Variants in ZMYM6 observed in about 807,000 individuals in gnomAD.
ZMYM6 encodes zinc finger MYM-type protein 6.
In ZMYM6, 90 loss-of-function variants were observed where a neutral mutation model predicts 134.0. That is an observed-to-expected ratio of 0.67 (90% CI 0.57 to 0.80). The LOEUF is 0.80. Ranked by LOEUF, ZMYM6 falls within the 30% of genes least tolerant of loss-of-function variation. ZMYM6 has a pLI of 0.00. For missense variants in ZMYM6, 1,362 were observed against 1,533.9 expected, an observed-to-expected ratio of 0.89 and a Z score of 1.87; for synonymous variants, 481 against 524.1, an observed-to-expected ratio of 0.92 and a Z score of 1.12.
chr1:35,003,924 G>A, intron 14 of ZMYM6, 44 bp downstream of exon 14: 1 of 1,559,846 alleles, frequency 6.4e-7, no homozygotes, highest in Non-Finnish European at 8.8e-7. Context: ...GTGAAAATAA[G>A]CCCAAGTGGC....
At chr1:35,029,485 T>C (rs938635812) in intron 2 of ZMYM6, among the ~76,000 whole-genome samples, 5 of 152,196 alleles carry the variant, frequency 3.3e-5, no homozygotes, top group South Asian at 2.1e-4. Flanking sequence ...TAAGCATATA[T>C]AAATATTAAG....
In ZMYM6 at chr1:35,008,879, T is replaced by C. The variant is rs1641034177; in HGVS notation, c.1538A>G (p.Asn513Ser). 3 of 1,613,650 alleles carry C rather than the reference T, an allele frequency of 1.9e-6. No individual in the cohort carries two copies. Among genetic ancestry groups the C allele is most frequent in the Admixed American group, 1.7e-5 (1 of 59,934 alleles). The change falls in exon 11 of 16, where the codon AAC becomes AGC. Residue 513 changes from asparagine (N) to serine (S), a missense_variant. Transcript: ENST00000357182. ...SARDFGERWG[N>S]YCKMCSYCSQ... ...ACAGTAGCTGCACATCTTACAGTAG[T>C]TTCCCCATCGTTCTCCAAAGTCACG...
chr1:35,019,111 T>C (rs1328465994), intron 4 of ZMYM6: 1 of 599,668 alleles, frequency 1.7e-6, no homozygotes, highest in Non-Finnish European at 2.9e-6. Flanking sequence ...CCACATGTCA[T>C]TTGTTATTTC....
intron 2 of ZMYM6, among the ~76,000 whole-genome samples, chr1:35,024,548 T>C (rs543738705): frequency 6.6e-6 from 1 of 152,356 alleles, no homozygotes; most frequent in South Asian, 2.1e-4. Context: ...GTAAGTATCC[T>C]TGGACTCCTC....
chr1:34,992,124 T>C (rs1569739858), intron 15 of ZMYM6, 110 bp downstream of exon 15: 1 of 1,391,256 alleles, frequency 7.2e-7, no homozygotes, highest in South Asian at 1.2e-5. Flanking sequence ...AGAAAAGGAA[T>C]GTTTTCACAT....
intron 4 of ZMYM6, among the ~76,000 whole-genome samples, chr1:35,015,908 T>G (rs1417255067): frequency 6.7e-6 from 1 of 149,852 alleles, no homozygotes; most frequent in Non-Finnish European, 1.5e-5. Context: ...CTGCCCAAAG[T>G]AGAACTGAAA....
At chr1:35,000,552 A>C (rs1204807905) in intron 14 of ZMYM6, among the ~76,000 whole-genome samples, 1 of 152,124 alleles carries the variant, frequency 6.6e-6, no homozygotes, top group African/African-American at 2.4e-5. Context: ...AAGATTTTTA[A>C]TAGCAAAAAC....
In ZMYM6 at chr1:35,008,938, G is replaced by A; in HGVS notation, c.1493-14C>T. 1.9e-6 allele frequency: 3 copies of A among 1,597,908 alleles called. No homozygotes were observed. Among genetic ancestry groups the A allele is most frequent in the South Asian group, 2.3e-5 (2 of 88,282 alleles). On this transcript the variant is annotated splice_polypyrimidine_tract_variant and intron_variant, in intron 10 of 15. Coordinates refer to ENST00000357182, the MANE Select transcript of ZMYM6 (RefSeq NM_007167.4). ...GGAATTTGCAAACTGAGGATCAGAG[G>A]GATGAAAGGAAGAAAAATCAAATTT...
intron 1 of ZMYM6, 183 bp downstream of exon 1, chr1:35,031,632 A>G (rs570865946): frequency 6.6e-6 from 1 of 152,156 alleles, no homozygotes; most frequent in South Asian, 2.1e-4. Context: ...AGGACTAACG[A>G]GGCAATGTGG....
Position 35,012,462 on chromosome 1 carries a change from A to C in ZMYM6, c.915T>G (p.Ser305=). The change falls in exon 7 of 16, where the codon TCT becomes TCG. Residue 305 remains serine (S), a synonymous_variant. Coordinates refer to ENST00000357182, the MANE Select transcript of ZMYM6 (RefSeq NM_007167.4). ...TELFCSINCL[S]AYRVKTVTSS... Reference sequence around the variant, plus strand: ...AAGTAACAGTCTTAACTCTGTAAGCAGATAAGCAATTAATAGAGCAGAAAA... The same window carrying C: ...AAGTAACAGTCTTAACTCTGTAAGCCGATAAGCAATTAATAGAGCAGAAAA... The C allele has an allele frequency of 6.2e-7, 1 of 1,604,648 alleles. No individual in the cohort carries two copies. The highest frequency in any genetic ancestry group is 8.5e-7 in the Non-Finnish European group (1 of 1,177,074).
intron 2 of ZMYM6, among the ~76,000 whole-genome samples, chr1:35,024,382 C>A (rs917263842): frequency 2.0e-5 from 3 of 152,120 alleles, no homozygotes; most frequent in African/African-American, 7.2e-5. Context: ...ATCTCAAATC[C>A]CAGATTTTTA....
chr1:35,001,306 C>G (rs971770742), intron 14 of ZMYM6, among the ~76,000 whole-genome samples: 2 of 143,740 alleles, frequency 1.4e-5, no homozygotes, highest in African/African-American at 2.6e-5. Flanking sequence ...AAGAGCACTA[C>G]ATTATTTATT....
In ZMYM6 at chr1:35,015,225, T is replaced by C. The variant is rs553770602; in HGVS notation, c.429-63A>G. 6.3e-6 allele frequency: 9 copies of C among 1,430,438 alleles called. No individual in the cohort carries two copies. The South Asian group carries it at 1.3e-4, about 20-fold the overall frequency. The allele number at this position is 1,430,438 out of a possible 1,614,324, so 88.6% of individuals were successfully genotyped here. On this transcript the variant is annotated intron_variant, in intron 4 of 15. Transcript: ENST00000357182. ...CTTCACAACTGTAACTTCCTCCTCTTTGTGAGGTGAAATAACACTTACTAA... is the reference window on the plus strand; with the variant it reads ...CTTCACAACTGTAACTTCCTCCTCTCTGTGAGGTGAAATAACACTTACTAA...
intron 8 of ZMYM6, among the ~76,000 whole-genome samples, chr1:35,011,363 C>T (rs1641082950): frequency 6.6e-6 from 1 of 152,124 alleles, no homozygotes; most frequent in Non-Finnish European, 1.5e-5. Context: ...TACTACGACA[C>T]AATAGCTACC....
chr1:35,019,872 G>A (rs1641274049), intron 3 of ZMYM6, among the ~76,000 whole-genome samples: 1 of 151,892 alleles, frequency 6.6e-6, no homozygotes, highest in Non-Finnish European at 1.5e-5. Flanking sequence ...GATAAGGTAT[G>A]TTGCCCAGAC....
intron 14 of ZMYM6, among the ~76,000 whole-genome samples, chr1:34,992,711 A>G (rs1382456709): frequency 2.8e-5 from 4 of 141,456 alleles, no homozygotes; most frequent in Non-Finnish European, 6.1e-5. Flanking sequence ...TATACTTATA[A>G]ACTATAAAAA....
rs1486650252 is a variant in ZMYM6, at chr1:34,987,399, G to A, written c.3683C>T (p.Thr1228Ile). The change falls in exon 16 of 16, where the codon ACC becomes ATC. Residue 1228 changes from threonine (T) to isoleucine (I), a missense_variant. By Grantham distance (89) the Thr-to-Ile change is moderately conservative. This residue lies in a region of ZMYM6 where 824 missense variants were observed against 940.9 expected (regional missense o/e 0.88). Coordinates refer to ENST00000357182, the MANE Select transcript of ZMYM6 (RefSeq NM_007167.4). ...PFMNHQNNNLTDFEEEKLTEL... is the reference protein window; with the variant it reads ...PFMNHQNNNLIDFEEEKLTEL... Reference sequence around the variant, plus strand: ...TGTTAGCTTTTCTTCTTCGAAGTCGGTGAGATTATTATTTTGGTGATTCAT... The same window carrying A: ...TGTTAGCTTTTCTTCTTCGAAGTCGATGAGATTATTATTTTGGTGATTCAT... 1.9e-6 allele frequency: 3 copies of A among 1,614,000 alleles called. No individual in the cohort carries two copies. Among genetic ancestry groups the A allele is most frequent in the East Asian group, 2.2e-5 (1 of 44,864 alleles).
chr1:34,989,247 A>G, intron 15 of ZMYM6: 1 of 1,060,934 alleles, frequency 9.4e-7, no homozygotes, highest in East Asian at 8.3e-5. Flanking sequence ...AATTAACAAT[A>G]AACTTTTTGG....
Position 35,010,812 on chromosome 1 carries a change from C to T in ZMYM6, c.1287G>A (p.Lys429=), listed in dbSNP as rs765797841. 1 of 1,603,386 alleles carries T rather than the reference C, an allele frequency of 6.2e-7. No individual in the cohort carries two copies. Residue 429 remains lysine, a synonymous_variant, in exon 9 of 16, where the codon AAG becomes AAA. Transcript: ENST00000357182. ...VALTHTVVKL[K]CQHCNHLFAT... is the part of the protein sequence containing the mutation. ...CAAATAGATGGTTACAGTGCTGACA[C>T]TTGAGTTTAACAACTGTATGGGTTA... is the stretch of plus-strand genomic sequence containing the variant.
Sources: allele counts gnomAD v4.1 joint callset (sites outside exome capture counted in the v4.1 genomes callset), GRCh38; gene constraint gnomAD v4.1.1; regional missense constraint gnomAD v4.1.1; transcripts MANE v1.5; gene names NCBI Gene and HGNC (gene_info 2026-07-23, HGNC 2026-07-21).